SNTG2: variants seen among roughly 807,000 people sequenced by gnomAD.
SNTG2 encodes the protein gamma-2-syntrophin.
In SNTG2, 74 loss-of-function variants were observed where a neutral mutation model predicts 70.9. The observed-to-expected ratio is 1.04, with a 90% CI of 0.86 to 1.27. The LOEUF (loss-of-function observed/expected upper bound fraction) is 1.27. Ranked by LOEUF, SNTG2 falls within the 50% of genes most tolerant of loss-of-function variation. The pLI is 0.00. For missense variants in SNTG2, 717 were observed against 690.7 expected, an observed-to-expected ratio of 1.04 and a Z score of -0.43; for synonymous variants, 278 against 273.8, an observed-to-expected ratio of 1.02 and a Z score of -0.15.
chr2:1,055,946 G>A (rs1230978217), intron 1 of SNTG2, among the ~76,000 whole-genome samples: 1 of 152,132 alleles, frequency 6.6e-6, no homozygotes, highest in East Asian at 1.9e-4. Context: ...TCTCACCAGC[G>A]GTATTTCCTG....
rs148639436 is a variant in SNTG2, at chr2:1,058,076, A to G, written c.73-25442A>G. Among the ~76,000 whole-genome samples the G allele has an allele frequency of 4.6e-5, 7 of 152,340 alleles. 1 individual carries two copies. The East Asian group carries it at 1.3e-3, about 29-fold the overall frequency. The stretch of plus-strand genomic sequence containing the variant: ...TAAAAAATTATATTTGAATTAATAT[A>G]AATAACTTATATTTGTATCTGCATT... On this transcript the variant is annotated intron_variant, in intron 1 of 16. Transcript: ENST00000308624.
intron 8 of SNTG2, among the ~76,000 whole-genome samples, chr2:1,205,070 AC>A (rs1294479666): frequency 3.9e-5 from 6 of 152,236 alleles, no homozygotes; most frequent in Non-Finnish European, 7.4e-5. Flanking sequence ...GTTTTTTTTA[AC>A]CTTTTTATAT....
chr2:1,348,741 T>A (rs548827917), intron 16 of SNTG2, among the ~76,000 whole-genome samples: 1 of 152,358 alleles, frequency 6.6e-6, no homozygotes, highest in South Asian at 2.1e-4. Context: ...TCACAGGCCA[T>A]GGCCATTCAT....
chr2:1,297,872 C>G (rs532573373), intron 14 of SNTG2, among the ~76,000 whole-genome samples: 1 of 152,166 alleles, frequency 6.6e-6, no homozygotes, highest in African/African-American at 2.4e-5. Flanking sequence ...TTTGAAAATA[C>G]CGAGTATCAG....
chr2:1,198,023 A>AT (rs1194514484), intron 8 of SNTG2, among the ~76,000 whole-genome samples: 2 of 152,146 alleles, frequency 1.3e-5, no homozygotes, highest in East Asian at 1.9e-4. Flanking sequence ...TATTTACAGA[A>AT]TTTTTTTTAA....
chr2:1,229,812 C>G (rs1229441523), intron 9 of SNTG2, among the ~76,000 whole-genome samples: 1 of 152,226 alleles, frequency 6.6e-6, no homozygotes, highest in Non-Finnish European at 1.5e-5. Context: ...GCTGGGGGAC[C>G]CAGTACACCC....
At chr2:1,170,035 TTTCTG>T (rs1389340782) in intron 7 of SNTG2, among the ~76,000 whole-genome samples, 1 of 152,204 alleles carries the variant, frequency 6.6e-6, no homozygotes, top group Non-Finnish European at 1.5e-5. Flanking sequence ...CAGACTTCAC[TTTCTG>T]ACTGCATGAA....
At chr2:1,273,408 A>T (rs1432172639) in intron 14 of SNTG2, among the ~76,000 whole-genome samples, 1 of 152,200 alleles carries the variant, frequency 6.6e-6, no homozygotes, top group Admixed American at 6.5e-5. Context: ...GCTTGATATC[A>T]GGTGCAACAG....
intron 1 of SNTG2, among the ~76,000 whole-genome samples, chr2:953,960 G>A (rs1425988717): frequency 6.6e-6 from 1 of 151,912 alleles, no homozygotes; most frequent in African/African-American, 2.4e-5. Context: ...TGGCAGAGGG[G>A]CTGGCATTGC....
chr2:1,114,115 T>C (rs1416408346), intron 4 of SNTG2, among the ~76,000 whole-genome samples: 1 of 151,864 alleles, frequency 6.6e-6, no homozygotes, highest in African/African-American at 2.4e-5. Flanking sequence ...TACAGTCCTT[T>C]GAGGAGGATC....
At chr2:1,074,674 A>G (rs1663804887) in intron 1 of SNTG2, among the ~76,000 whole-genome samples, 1 of 152,202 alleles carries the variant, frequency 6.6e-6, no homozygotes, top group Non-Finnish European at 1.5e-5. Context: ...CACACCTCCT[A>G]CAATTTATAC....
chr2:1,178,229 A>G (rs1257131612), intron 8 of SNTG2, among the ~76,000 whole-genome samples: 1 of 152,202 alleles, frequency 6.6e-6, no homozygotes, highest in East Asian at 1.9e-4. Context: ...TTCTAGATAT[A>G]CAATCCTGTC....
intron 1 of SNTG2, among the ~76,000 whole-genome samples, chr2:986,067 T>TAGAGAGAGAGAGAGAGAGAGAGAG (rs10633277): frequency 7.7e-6 from 1 of 129,718 alleles, no homozygotes; most frequent in Non-Finnish European, 1.6e-5. Flanking sequence ...CTGCAAATAA[T>TAGAGAGAGAGAGAGAGAGAGAGAG]AGAGAGAGAG....
At chr2:1,201,890 A>G (rs28668916) in intron 8 of SNTG2, among the ~76,000 whole-genome samples, 1,570 of 152,190 alleles carry the variant, frequency 0.01, 20 homozygotes, top group African/African-American at 0.035. Flanking sequence ...GTGAACATGA[A>G]GCAAGATAGA....
intron 1 of SNTG2, among the ~76,000 whole-genome samples, chr2:1,070,928 A>C (rs1367606345): frequency 1.3e-5 from 2 of 152,166 alleles, no homozygotes; most frequent in Non-Finnish European, 2.9e-5. Context: ...CTGCTGGTGA[A>C]CTGGCTTGCG....
At chr2:1,007,097 A>G (rs901696620) in intron 1 of SNTG2, among the ~76,000 whole-genome samples, 2 of 152,162 alleles carry the variant, frequency 1.3e-5, no homozygotes, top group African/African-American at 4.8e-5. Flanking sequence ...GAGGAGGTGC[A>G]TGGGTTTTTT....
At chr2:1,346,454 G>A (rs1017252089) in intron 16 of SNTG2, 1 of 152,398 alleles carries the variant, frequency 6.6e-6, no homozygotes, top group African/African-American at 2.4e-5. Context: ...CAAGCAGGAA[G>A]TCCTGTTTGT....
chr2:1,257,980 C>T (rs948399194), intron 12 of SNTG2, among the ~76,000 whole-genome samples: 2 of 152,080 alleles, frequency 1.3e-5, no homozygotes, highest in Admixed American at 1.3e-4. Flanking sequence ...TATTTACAGC[C>T]TTCAAAAATA....
At chr2:1,361,411 G>A (rs1313139558) in intron 16 of SNTG2, among the ~76,000 whole-genome samples, 1 of 151,988 alleles carries the variant, frequency 6.6e-6, no homozygotes, top group Admixed American at 6.5e-5. Flanking sequence ...GACAGACAGT[G>A]CAATTAACAC....
Sources: allele counts gnomAD v4.1 joint callset (sites outside exome capture counted in the v4.1 genomes callset), GRCh38; gene constraint gnomAD v4.1.1; transcripts MANE v1.5; gene names NCBI Gene and HGNC (gene_info 2026-07-23, HGNC 2026-07-21).